Variants in SLC9A9 observed in about 807,000 individuals in gnomAD.
SLC9A9 encodes the protein solute carrier family 9 member A9.
In SLC9A9, 62 loss-of-function variants were observed where a neutral mutation model predicts 77.8. The ratio of observed to expected loss-of-function variants is 0.80; its 90% CI spans 0.65 to 0.98. The LOEUF is 0.98. Among genes scored for constraint, SLC9A9 ranks in the 50% least tolerant of loss-of-function variants. The pLI, the probability that SLC9A9 is intolerant of heterozygous loss-of-function variation, is 0.00. For missense variants in SLC9A9, 775 were observed against 774.9 expected (o/e 1.00, Z 0.00); for synonymous variants, 320 against 283.5 (o/e 1.13, Z -1.29).
chr3:143,493,571 T>C (rs1181080737), intron 11 of SLC9A9, 82 bp downstream of exon 11: 26 of 1,272,770 alleles, frequency 2.0e-5, no homozygotes, highest in African/African-American at 2.9e-5. Context: ...CCCAAAAGGG[T>C]TCTAAATTTT....
At chr3:143,727,625 A>T (rs1469225395) in intron 4 of SLC9A9, among the ~76,000 whole-genome samples, 2 of 152,100 alleles carry the variant, frequency 1.3e-5, no homozygotes, top group African/African-American at 2.4e-5. Flanking sequence ...TATCCTGCCA[A>T]AGTTTTATGG....
intron 6 of SLC9A9, among the ~76,000 whole-genome samples, chr3:143,615,037 G>A (rs1445577280): frequency 6.6e-6 from 1 of 152,226 alleles, no homozygotes; most frequent in Admixed American, 6.5e-5. Flanking sequence ...CTTCTCCAGG[G>A]GTGTGCTACC....
At chr3:143,474,885 G>A (rs1419848366) in intron 11 of SLC9A9, among the ~76,000 whole-genome samples, 1 of 151,878 alleles carries the variant, frequency 6.6e-6, no homozygotes, top group Non-Finnish European at 1.5e-5. Context: ...GTCATCCCTT[G>A]GCTGTGCCCA....
chr3:143,636,895 G>T (rs530101963), intron 6 of SLC9A9, among the ~76,000 whole-genome samples: 6 of 152,100 alleles, frequency 3.9e-5, no homozygotes, highest in Non-Finnish European at 7.4e-5. Context: ...TTCATACGGA[G>T]CCTTAGCCCC....
intron 6 of SLC9A9, among the ~76,000 whole-genome samples, chr3:143,643,124 G>T (rs1576629693): frequency 6.6e-6 from 1 of 152,198 alleles, no homozygotes; most frequent in Middle Eastern, 3.4e-3. Flanking sequence ...TTTCAGAAAA[G>T]ATTCTGTTTT....
At chr3:143,328,215 T>C (rs891010969) in intron 14 of SLC9A9, among the ~76,000 whole-genome samples, 2 of 152,236 alleles carry the variant, frequency 1.3e-5, no homozygotes, top group African/African-American at 4.8e-5. Context: ...AATGTGTCAA[T>C]ATTGATGTTA....
At chr3:143,291,344 G>T (rs1348502470) in intron 14 of SLC9A9, among the ~76,000 whole-genome samples, 1 of 152,176 alleles carries the variant, frequency 6.6e-6, no homozygotes, top group Non-Finnish European at 1.5e-5. Context: ...CCCTTAGATG[G>T]TTCCTGCTGA....
chr3:143,602,036 G>C (rs969375070), intron 6 of SLC9A9, among the ~76,000 whole-genome samples: 1 of 151,938 alleles, frequency 6.6e-6, no homozygotes, highest in South Asian at 2.1e-4. Context: ...GTATTCCCAT[G>C]TCCTTTTTTG....
intron 9 of SLC9A9, among the ~76,000 whole-genome samples, chr3:143,544,081 T>C (rs1335306602): frequency 1.3e-5 from 2 of 152,244 alleles, no homozygotes; most frequent in African/African-American, 2.4e-5. Context: ...TGTAAGATAA[T>C]ATCTAATTAT....
intron 14 of SLC9A9, among the ~76,000 whole-genome samples, chr3:143,318,590 A>G (rs1446035163): frequency 6.6e-6 from 1 of 152,186 alleles, no homozygotes; most frequent in Non-Finnish European, 1.5e-5. Context: ...CAAATAAGAC[A>G]AAACAACCCA....
chr3:143,304,674 G>C (rs2030697748), intron 14 of SLC9A9, among the ~76,000 whole-genome samples: 1 of 152,176 alleles, frequency 6.6e-6, no homozygotes, highest in African/African-American at 2.4e-5. Context: ...CTGCTGATAA[G>C]GCTGATTCTC....
intron 8 of SLC9A9, among the ~76,000 whole-genome samples, chr3:143,569,400 G>A (rs958643350): frequency 4.0e-5 from 6 of 151,532 alleles, no homozygotes; most frequent in Non-Finnish European, 1.5e-5. Context: ...TTTTAAATAG[G>A]CAAAAGTTGA....
intron 3 of SLC9A9, among the ~76,000 whole-genome samples, chr3:143,796,248 G>A (rs75241383): frequency 0.014 from 2,090 of 152,296 alleles, 45 homozygotes; most frequent in African/African-American, 0.046. Context: ...TCCTGTCTAT[G>A]AGCATCAACA....
intron 2 of SLC9A9, among the ~76,000 whole-genome samples, chr3:143,803,788 C>A (rs1237049333): frequency 6.6e-6 from 1 of 152,104 alleles, no homozygotes; most frequent in Non-Finnish European, 1.5e-5. Flanking sequence ...TCTTCCAGCG[C>A]CTACACAGCT....
chr3:143,336,886 C>T (rs553855640), intron 14 of SLC9A9, among the ~76,000 whole-genome samples: 39 of 152,088 alleles, frequency 2.6e-4, no homozygotes, highest in Admixed American at 7.2e-4. Flanking sequence ...TTTTTACGTG[C>T]TTTTTACTAC....
chr3:143,366,345 G>A (rs2032901238), intron 13 of SLC9A9, among the ~76,000 whole-genome samples: 2 of 152,246 alleles, frequency 1.3e-5, no homozygotes, highest in South Asian at 2.1e-4. Flanking sequence ...ATTTTAGAGA[G>A]TCCTAGAGAA....
chr3:143,358,479 G>C (rs1323501149), intron 14 of SLC9A9, among the ~76,000 whole-genome samples: 1 of 152,130 alleles, frequency 6.6e-6, no homozygotes, highest in Non-Finnish European at 1.5e-5. Context: ...ATGATGTTAG[G>C]CTGCCCTTTT....
At chr3:143,758,752 G>A (rs1433415019) in intron 4 of SLC9A9, among the ~76,000 whole-genome samples, 1 of 152,070 alleles carries the variant, frequency 6.6e-6, no homozygotes, top group Non-Finnish European at 1.5e-5. Flanking sequence ...GGGCTGAGGG[G>A]AACGTGAGGG....
chr3:143,804,066 C>T (rs1467178520), intron 2 of SLC9A9, among the ~76,000 whole-genome samples: 1 of 152,134 alleles, frequency 6.6e-6, no homozygotes. Context: ...CTTTACGTAT[C>T]TCTCAGCAAA....
Sources: gnomAD v4.1 joint callset for allele counts (sites outside exome capture counted in the v4.1 genomes callset) on GRCh38, gnomAD v4.1.1 for gene constraint, MANE v1.5 for transcripts, NCBI Gene and HGNC (gene_info 2026-07-23, HGNC 2026-07-21) for gene names.